The following PARP11 variants were observed in gnomAD, a reference collection of about 807,000 sequenced individuals.
PARP11 encodes poly(ADP-ribose) polymerase family member 11.
Under a neutral mutation model 42.9 loss-of-function variants are expected in PARP11, and 31 were observed. That is an observed-to-expected ratio of 0.72 (90% confidence interval 0.54 to 0.98). The LOEUF is 0.98. PARP11 is among the 50% of genes least tolerant of loss of function. PARP11 has a pLI of 0.00. For missense variants in PARP11, 365 were observed against 413.1 expected, an observed-to-expected ratio of 0.88 and a Z score of 1.01; for synonymous variants, 137 against 127.3, an observed-to-expected ratio of 1.08 and a Z score of -0.51.
intron 1 of PARP11, chr12:3,841,283 A>G (rs535143033): frequency 4.6e-5 from 61 of 1,317,914 alleles, no homozygotes; most frequent in Middle Eastern, 1.8e-4. Flanking sequence ...TTCTTCTTCA[A>G]TCTTGGTGTG....
chr12:3,832,344 G>A (rs1345708755), intron 1 of PARP11, among the ~76,000 whole-genome samples: 4 of 152,096 alleles, frequency 2.6e-5, no homozygotes, highest in Non-Finnish European at 5.9e-5. Context: ...GAAAAAAACC[G>A]AAGCAGAGAA....
chr12:3,850,748 C>A (rs924227001), intron 1 of PARP11, among the ~76,000 whole-genome samples: 1 of 151,860 alleles, frequency 6.6e-6, no homozygotes, highest in African/African-American at 2.4e-5. Flanking sequence ...AAAAGGAAAG[C>A]ATTTATATTT....
chr12:3,832,770 G>A (rs111981884), intron 1 of PARP11, among the ~76,000 whole-genome samples: 105 of 152,278 alleles, frequency 6.9e-4, no homozygotes, highest in African/African-American at 2.5e-3. Flanking sequence ...TATGAAGCAG[G>A]TATTTAATAA....
chr12:3,832,477 A>G (rs1371152922), intron 1 of PARP11, among the ~76,000 whole-genome samples: 1 of 152,158 alleles, frequency 6.6e-6, no homozygotes, highest in African/African-American at 2.4e-5. Flanking sequence ...CTTTTCACAC[A>G]TGGACAGTTA....
chr12:3,836,444 C>A (rs190658126), intron 1 of PARP11, among the ~76,000 whole-genome samples: 12 of 152,290 alleles, frequency 7.9e-5, no homozygotes, highest in Admixed American at 7.8e-4. Context: ...AGAGAATTCA[C>A]TGCTAGCAAA....
chr12:3,812,002 T>C lies in PARP11; in HGVS notation c.*121A>G. 1 of 763,402 alleles carries C rather than the reference T, an allele frequency of 1.3e-6. No homozygotes were observed. Among genetic ancestry groups the C allele is most frequent in the Non-Finnish European group, 2.0e-6 (1 of 496,096 alleles). The allele number at this position is 763,402 out of a possible 1,614,324, so 47.3% of individuals were successfully genotyped here. A position where few individuals can be genotyped will look rare whatever the true frequency, so the allele number is the denominator to read the frequency against. Reference sequence around the variant, plus strand: ...TATGTCTTTTTATATGGAGGCCACTTTTTTTCATATCTGTTTCAAAAGTAT... The same window carrying C: ...TATGTCTTTTTATATGGAGGCCACTCTTTTTCATATCTGTTTCAAAAGTAT... On this transcript the variant is annotated 3_prime_UTR_variant, in exon 8 of 8. Transcript: ENST00000228820.
intron 1 of PARP11, among the ~76,000 whole-genome samples, chr12:3,837,666 G>GAA (rs34964628): frequency 1.4e-5 from 2 of 141,920 alleles, no homozygotes; most frequent in African/African-American, 5.1e-5. Context: ...GAATGGCGAA[G>GAA]AAAAAAAAAA....
chr12:3,810,646 AGAAGGAAGGAAGGAAGGAAG>A lies in PARP11; in HGVS notation c.*1457_*1476del, dbSNP rs71061135. 1.3e-4 allele frequency: 16 copies of A among 121,582 alleles called. No individual in the cohort carries two copies. Among genetic ancestry groups the A allele is most frequent in the African/African-American group, 3.6e-4 (11 of 30,696 alleles). The allele number at this position is 121,582 out of a possible 1,614,324, so 7.5% of individuals were successfully genotyped here. On this transcript the variant is annotated 3_prime_UTR_variant, in exon 8 of 8. Transcript: ENST00000228820. ...AGGAGGGAGGGAGGGAGGGAGGGAA[AGAAGGAAGGAAGGAAGGAAG>A]GAAGGAAGGAAGGAAGGAAAGAAAG...
chr12:3,830,007 G>A lies in PARP11; in HGVS notation c.30C>T (p.His10=), dbSNP rs747424563. 5 of 1,613,542 alleles carry A rather than the reference G, an allele frequency of 3.1e-6. No homozygotes were observed. The South Asian group carries it at 3.3e-5, about 11-fold the overall frequency. ...TTTTAGAAAATAATTCTTCTGCTTTGTGAAACATCTCCTGAAAAGCCAGAA... is the reference window on the plus strand; with the variant it reads ...TTTTAGAAAATAATTCTTCTGCTTTATGAAACATCTCCTGAAAAGCCAGAA... MWEANPEMF[H]KAEELFSKTT... Residue 10 remains histidine (H), a synonymous_variant, in exon 2 of 8, where the codon CAC becomes CAT. Transcript: ENST00000228820.
chr12:3,842,053 G>A, intron 1 of PARP11: 1 of 1,608,722 alleles, frequency 6.2e-7, no homozygotes, highest in Non-Finnish European at 8.5e-7. Flanking sequence ...AGAGGGAAAG[G>A]CTCACCCTCC....
Position 3,812,330 on chromosome 12 carries a change from C to T in PARP11, c.810G>A (p.Leu270=). ...GAAACATAGATTTATATGTTCTAAACAGATGCCGCTGTTGCAAGCTGACAC... is the reference window on the plus strand; with the variant it reads ...GAAACATAGATTTATATGTTCTAAATAGATGCCGCTGTTGCAAGCTGACAC... ...IHGVSLQQRH[L]FRTYKSMFLA... is the part of the protein sequence containing the mutation. Residue 270 remains leucine (L), a synonymous_variant, in exon 8 of 8, where the codon CTG becomes CTA. Coordinates refer to ENST00000228820, the MANE Select transcript of PARP11 (RefSeq NM_020367.6). The T allele has an allele frequency of 6.2e-7, 1 of 1,614,194 alleles. No homozygotes were observed. The highest frequency in any genetic ancestry group is 1.3e-5 in the African/African-American group (1 of 75,050).
chr12:3,839,916 G>A (rs1461156284), intron 1 of PARP11: 1 of 1,090,974 alleles, frequency 9.2e-7, no homozygotes, highest in African/African-American at 1.5e-5. Context: ...CAGATTCAGA[G>A]GATGACAGCT....
At chr12:3,832,410 C>A (rs1171368278) in intron 1 of PARP11, among the ~76,000 whole-genome samples, 1 of 152,178 alleles carries the variant, frequency 6.6e-6, no homozygotes, top group Non-Finnish European at 1.5e-5. Flanking sequence ...ATTAAAGCAA[C>A]ACCTAAGGCC....
At chr12:3,817,203 AT>A (rs908515476) in intron 6 of PARP11, among the ~76,000 whole-genome samples, 2 of 151,556 alleles carry the variant, frequency 1.3e-5, no homozygotes, top group Non-Finnish European at 2.9e-5. Context: ...AAAAAAAAAA[AT>A]TCATTTATCA....
chr12:3,847,431 G>A (rs1948025487), intron 1 of PARP11, among the ~76,000 whole-genome samples: 1 of 151,918 alleles, frequency 6.6e-6, no homozygotes, highest in Admixed American at 6.6e-5. Flanking sequence ...TAAAATACTA[G>A]AAAACTGAAT....
At chr12:3,815,290 AATTT>A (rs1214675223) in intron 6 of PARP11, among the ~76,000 whole-genome samples, 1 of 152,234 alleles carries the variant, frequency 6.6e-6, no homozygotes, top group Non-Finnish European at 1.5e-5. Flanking sequence ...AAAACAGCAC[AATTT>A]ATTTGTGATC....
rs375257620 is a variant in PARP11, at chr12:3,823,826, G to T, written c.345-1669C>A. Among the ~76,000 whole-genome samples the T allele has an allele frequency of 2.6e-4, 40 of 151,182 alleles. No individual in the cohort carries two copies. In the East Asian group the frequency reaches 5.8e-3, roughly 22 times the overall value. On this transcript the variant is annotated intron_variant, in intron 4 of 7. Transcript: ENST00000228820. Reference sequence around the variant, plus strand: ...AGCTACTCGGGAGGCTGAGACAGGAGAATCACTTGAACCTGGGAGGCGGAG... The same window carrying T: ...AGCTACTCGGGAGGCTGAGACAGGATAATCACTTGAACCTGGGAGGCGGAG...
intron 1 of PARP11, among the ~76,000 whole-genome samples, chr12:3,847,855 A>C (rs542514228): frequency 6.6e-6 from 1 of 152,320 alleles, no homozygotes; most frequent in East Asian, 1.9e-4. Flanking sequence ...ATGGCAACCA[A>C]ATTGGAGAGA....
rs1947134473 is a variant in PARP11 at position 3,809,905 on chromosome 12, G to A, written c.*2218C>T. 6.6e-6 allele frequency: 1 copy of A among 152,150 alleles called. No individual in the cohort carries two copies. Among genetic ancestry groups the A allele is most frequent in the Admixed American group, 6.5e-5 (1 of 15,286 alleles). 9.4% of individuals were successfully genotyped at this position (152,150 alleles called of 1,614,324 possible). ...CACTTCATCTAAACCAGCAGCTGGG[G>A]TGCATACCTGAGCCAGGAAATCTTT... On this transcript the variant is annotated 3_prime_UTR_variant, in exon 8 of 8. Coordinates refer to ENST00000228820, the MANE Select transcript of PARP11 (RefSeq NM_020367.6).
Sources: gnomAD v4.1 joint callset for allele counts (sites outside exome capture counted in the v4.1 genomes callset) on GRCh38, gnomAD v4.1.1 for gene constraint, MANE v1.5 for transcripts, NCBI Gene and HGNC (gene_info 2026-07-23, HGNC 2026-07-21) for gene names.